ONECUT3: variants seen among roughly 807,000 people sequenced by gnomAD.
The protein encoded by ONECUT3 is one cut homeobox 3, also known as one cut domain family member 3.
Under a neutral mutation model 16.8 loss-of-function variants are expected in ONECUT3, and 11 were observed. That is an observed-to-expected ratio of 0.66 (90% CI 0.41 to 1.09). ONECUT3 has a LOEUF of 1.09. Ranked by LOEUF, ONECUT3 falls within the 50% of genes least tolerant of loss-of-function variation. The pLI is 0.00. For synonymous variants in ONECUT3, 344 were observed against 310.7 expected, an observed-to-expected ratio of 1.11 and a Z score of -1.13; for missense variants, 637 against 629.9, an observed-to-expected ratio of 1.01 and a Z score of -0.12.
In ONECUT3 at chr19:1,772,310, G is replaced by T. The variant is rs1454490278; in HGVS notation, c.1193-2843G>T. Among the ~76,000 whole-genome samples the T allele has an allele frequency of 2.6e-5, 4 of 152,100 alleles. No individual in the cohort carries two copies. In the East Asian group the frequency reaches 7.7e-4, roughly 29 times the overall value. ...TTACAAGAATGAGCCACCATGCCCAGTGGGCCTATTTATATTTAAAAATTA... is the reference window on the plus strand; with the variant it reads ...TTACAAGAATGAGCCACCATGCCCATTGGGCCTATTTATATTTAAAAATTA... On this transcript the variant is annotated intron_variant, in intron 1 of 1. Transcript: ENST00000382349.
At position 1,777,316 on chromosome 19, in the gene ONECUT3, G is replaced by A. The variant is rs186105164; in HGVS notation, c.*1871G>A. ...GCAGACACACACATGCAGACAACAC[G>A]CAGACACACACATGCAGGCACTCAC... On this transcript the variant is annotated 3_prime_UTR_variant, in exon 2 of 2. Coordinates refer to ENST00000382349, the MANE Select transcript of ONECUT3 (RefSeq NM_001080488.2). The A allele has an allele frequency of 3.9e-3, 581 of 150,190 alleles. 2 individuals are homozygous for A. Among genetic ancestry groups the A allele is most frequent in the Non-Finnish European group, 6.0e-3 (399 of 66,946 alleles). 9.3% of individuals were successfully genotyped at this position (150,190 alleles called of 1,614,324 possible). A position where few individuals can be genotyped will look rare whatever the true frequency, so the allele number is the denominator to read the frequency against.
At chr19:1,757,854 G>T (rs1024816622) in intron 1 of ONECUT3, among the ~76,000 whole-genome samples, 4 of 152,160 alleles carry the variant, frequency 2.6e-5, no homozygotes, top group Admixed American at 2.6e-4. Context: ...CTGGTGCTCG[G>T]AAAGGGAACT....
rs1403051429 is a variant in ONECUT3, at chr19:1,779,684, C to CG, written c.*4245dup. On this transcript the variant is annotated 3_prime_UTR_variant, in exon 2 of 2. Transcript: ENST00000382349. ...GTAATAAAGTGGTCAGGGTGGGGGG[C>CG]GGGGGGCGTGGCCCGGTTCCGTGTC... The CG allele has an allele frequency of 2.2e-5, 2 of 90,842 alleles. No homozygotes were observed. The highest frequency in any genetic ancestry group is 4.4e-5 in the African/African-American group (1 of 22,654). 5.6% of individuals were successfully genotyped at this position (90,842 alleles called of 1,614,324 possible).
At position 1,778,105 on chromosome 19, in the gene ONECUT3, A is replaced by C. The variant is rs2068127433; in HGVS notation, c.*2660A>C. 6.6e-6 allele frequency: 1 copy of C among 151,708 alleles called. No homozygotes were observed. Among genetic ancestry groups the C allele is most frequent in the African/African-American group, 2.4e-5 (1 of 41,244 alleles). 9.4% of individuals were successfully genotyped at this position (151,708 alleles called of 1,614,324 possible). A position where few individuals can be genotyped will look rare whatever the true frequency, so the allele number is the denominator to read the frequency against. ...TAGCCTATAGATATACAATGTTTTA[A>C]ATTTCTTTTTTAGAAACAGGGTTTT... On this transcript the variant is annotated 3_prime_UTR_variant, in exon 2 of 2. Coordinates refer to ENST00000382349, the MANE Select transcript of ONECUT3 (RefSeq NM_001080488.2).
rs1413138382 is a variant in ONECUT3 at position 1,766,514 on chromosome 19, T to G, written c.1193-8639T>G. Among the ~76,000 whole-genome samples the G allele has an allele frequency of 2.2e-3, 214 of 95,224 alleles. No homozygotes were observed. The highest frequency in any genetic ancestry group is 8.1e-3 in the Middle Eastern group (1 of 124). The allele number at this position is 95,224 out of a possible 152,430, so 62.5% of individuals were successfully genotyped here. ...AAGGAAGGGGAAGAGGGGAGGGAGG[T>G]AAAGAGAGGGAGGGAAGGAAAGGGA... On this transcript the variant is annotated intron_variant, in intron 1 of 1. Transcript: ENST00000382349. This position sits in a 1 kb window ranked among gnomAD's most constrained non-coding sequence, Gnocchi z 4.0.
At position 1,775,128 on chromosome 19, in the gene ONECUT3, CCGCCCGCCCGCCGCT is replaced by C. The variant is rs1221379826; in HGVS notation, c.1193-17_1193-3del. The C allele has an allele frequency of 7.4e-6, 7 of 941,434 alleles. No homozygotes were observed. The highest frequency in any genetic ancestry group is 1.7e-5 in the South Asian group (1 of 57,472). 58.3% of individuals were successfully genotyped at this position (941,434 alleles called of 1,614,324 possible). A position where few individuals can be genotyped will look rare whatever the true frequency, so the allele number is the denominator to read the frequency against. ...CACGGTGGCGCTGTGTCCCGCTCGC[CCGCCCGCCCGCCGCT>C]CGCCCGCAGCCTGCAAGCGCAAGGA... On this transcript the variant is annotated splice_polypyrimidine_tract_variant and intron_variant, in intron 1 of 1. Coordinates refer to ENST00000382349, the MANE Select transcript of ONECUT3 (RefSeq NM_001080488.2).
In ONECUT3 at chr19:1,761,242, C is replaced by T. The variant is rs577884809; in HGVS notation, c.1192+6388C>T. 7.2e-5 allele frequency among the ~76,000 whole-genome samples: 11 copies of T among 151,992 alleles called. No individual in the cohort carries two copies. In the East Asian group the frequency reaches 1.2e-3, roughly 16 times the overall value. ...TAATTTTTGTGTTTTTAGTAGAGAC[C>T]GGGTTTCACCACGTTGACCAGGCTG... On this transcript the variant is annotated intron_variant, in intron 1 of 1. Transcript: ENST00000382349.
At chr19:1,765,555 A>G (rs573888216) in intron 1 of ONECUT3, among the ~76,000 whole-genome samples, 1 of 152,172 alleles carries the variant, frequency 6.6e-6, no homozygotes, top group African/African-American at 2.4e-5. Flanking sequence ...TGTGACTGTG[A>G]GTGGAGGCCA....
intron 1 of ONECUT3, 27 bp from the exon 2 acceptor site, chr19:1,775,126 G>GCCCCC: frequency 1.0e-5 from 12 of 1,143,894 alleles, no homozygotes; most frequent in South Asian, 5.0e-5. Context: ...TGTCCCGCTC[G>GCCCCC]CCCGCCCGCC....
chr19:1,767,875 CTCT>C (rs1310179941), intron 1 of ONECUT3, among the ~76,000 whole-genome samples: 3 of 152,178 alleles, frequency 2.0e-5, no homozygotes, highest in African/African-American at 7.2e-5. Context: ...GGGTCTCCGT[CTCT>C]TCTAGTTGAT....
At position 1,754,546 on chromosome 19, in the gene ONECUT3, C is replaced by G. The variant is rs948213890; in HGVS notation, c.884C>G (p.Ala295Gly). ...CTGGGCGGGCTGGCGGCGGCCGGGGCGCACGGGCCGCACGGGGGAGGCGGC... is the reference window on the plus strand; with the variant it reads ...CTGGGCGGGCTGGCGGCGGCCGGGGGGCACGGGCCGCACGGGGGAGGCGGC... ...APLGGLAAAG[A>G]HGPHGGGGGP... The change falls in exon 1 of 2, where the codon GCG becomes GGG. Residue 295 changes from alanine to glycine, a missense_variant. By Grantham distance (60) the Ala-to-Gly change is moderately conservative. This residue lies in a region of ONECUT3 where 419 missense variants were observed against 377.9 expected (regional missense o/e 1.11). Coordinates refer to ENST00000382349, the MANE Select transcript of ONECUT3 (RefSeq NM_001080488.2). This position sits in a 1 kb window ranked among gnomAD's most constrained non-coding sequence, Gnocchi z 7.4. The G allele has an allele frequency of 1.0e-6, 1 of 983,428 alleles. No individual in the cohort carries two copies. Among genetic ancestry groups the G allele is most frequent in the Admixed American group, 6.3e-5 (1 of 15,794 alleles). 60.9% of individuals were successfully genotyped at this position (983,428 alleles called of 1,614,324 possible).
In ONECUT3 at chr19:1,766,325, C is replaced by T. The variant is rs191470416; in HGVS notation, c.1193-8828C>T. 3.3e-5 allele frequency among the ~76,000 whole-genome samples: 5 copies of T among 152,286 alleles called. No homozygotes were observed. Among genetic ancestry groups the T allele is most frequent in the East Asian group, 3.9e-4 (2 of 5,162 alleles). On this transcript the variant is annotated intron_variant, in intron 1 of 1. Transcript: ENST00000382349. The surrounding 1 kb of genome is among the most constrained non-coding windows in gnomAD (Gnocchi z 4.0). ...GCCCGCACGCGGCCAACGTCAGGCGCGCGCAGAGGCACCCACGGGCCCGCC... is the reference window on the plus strand; with the variant it reads ...GCCCGCACGCGGCCAACGTCAGGCGTGCGCAGAGGCACCCACGGGCCCGCC...
Position 1,764,601 on chromosome 19 carries a change from T to C in ONECUT3, c.1192+9747T>C, listed in dbSNP as rs1322207766. 1.3e-5 allele frequency among the ~76,000 whole-genome samples: 2 copies of C among 150,642 alleles called. No homozygotes were observed. The highest frequency in any genetic ancestry group is 3.0e-5 in the Non-Finnish European group (2 of 67,702). On this transcript the variant is annotated intron_variant, in intron 1 of 1. Transcript: ENST00000382349. The surrounding 1 kb of genome is among the most constrained non-coding windows in gnomAD (Gnocchi z 5.0). ...GAGGGGCTGGGGAGGCCTCTGGGGG[T>C]CCACGCCTGGGGCATGACTCAGCCC...
At position 1,775,681 on chromosome 19, in the gene ONECUT3, A is replaced by AC. The variant is rs148513158; in HGVS notation, c.*245dup. ...CCCTCCAGGCCAAAGGAAGCCCTCCACCCCCCCCCGGAGGGGAGGGAGTGA... is the reference window on the plus strand; with the variant it reads ...CCCTCCAGGCCAAAGGAAGCCCTCCACCCCCCCCCCGGAGGGGAGGGAGTGA... On this transcript the variant is annotated 3_prime_UTR_variant, in exon 2 of 2. Coordinates refer to ENST00000382349, the MANE Select transcript of ONECUT3 (RefSeq NM_001080488.2). The AC allele has an allele frequency of 0.035, 9,527 of 268,658 alleles. 526 individuals are homozygous for AC. Among genetic ancestry groups the AC allele is most frequent in the African/African-American group, 0.19 (7,090 of 37,232 alleles). 16.6% of individuals were successfully genotyped at this position (268,658 alleles called of 1,614,324 possible).
At chr19:1,763,789 C>T (rs1232979575) in intron 1 of ONECUT3, among the ~76,000 whole-genome samples, 4 of 151,456 alleles carry the variant, frequency 2.6e-5, no homozygotes, top group East Asian at 1.9e-4. Flanking sequence ...ATTCTTCCCC[C>T]CGGCTCAGAT....
rs1169827569 is a variant in ONECUT3, at chr19:1,762,172, C to T, written c.1192+7318C>T. ...CATCTCCCCCTGGACGCAGTGGCTG[C>T]GCCATCTGGAGACCCTCGTGCTGGC... On this transcript the variant is annotated intron_variant, in intron 1 of 1. Coordinates refer to ENST00000382349, the MANE Select transcript of ONECUT3 (RefSeq NM_001080488.2). The surrounding 1 kb of genome is among the most constrained non-coding windows in gnomAD (Gnocchi z 4.4). Among the ~76,000 whole-genome samples the T allele has an allele frequency of 1.3e-5, 2 of 152,222 alleles. No homozygotes were observed. The highest frequency in any genetic ancestry group is 1.3e-4 in the Admixed American group (2 of 15,286).
chr19:1,775,334 C>T lies in ONECUT3; in HGVS notation c.1374C>T (p.Val458=). 1.3e-6 allele frequency: 2 copies of T among 1,593,878 alleles called. No homozygotes were observed. The highest frequency in any genetic ancestry group is 1.7e-4 in the Middle Eastern group (1 of 5,716). The change falls in exon 2 of 2, where the codon GTC becomes GTT. Residue 458 remains valine, a synonymous_variant. Transcript: ENST00000382349. Reference sequence around the variant, plus strand: ...AGCTCGGCTTGGAGCTCAACACCGTCAGCAACTTCTTCATGAACGCGCGGC... The same window carrying T: ...AGCTCGGCTTGGAGCTCAACACCGTTAGCAACTTCTTCATGAACGCGCGGC... ...SQQLGLELNT[V]SNFFMNARRR... is the part of the protein sequence containing the mutation.
chr19:1,775,519 G>A lies in ONECUT3; in HGVS notation c.*74G>A. The stretch of plus-strand genomic sequence containing the variant: ...CCCCCACGTCACCTCCCCACATCCT[G>A]CCGGCCCGGAGACCCGCCCCCAGGG... On this transcript the variant is annotated 3_prime_UTR_variant, in exon 2 of 2. Transcript: ENST00000382349. 1 of 1,384,428 alleles carries A rather than the reference G, an allele frequency of 7.2e-7. No individual in the cohort carries two copies. The allele number at this position is 1,384,428 out of a possible 1,614,324, so 85.8% of individuals were successfully genotyped here. A position where few individuals can be genotyped will look rare whatever the true frequency, so the allele number is the denominator to read the frequency against.
chr19:1,770,784 C>T (rs1373435451), intron 1 of ONECUT3, among the ~76,000 whole-genome samples: 1 of 152,160 alleles, frequency 6.6e-6, no homozygotes, highest in Non-Finnish European at 1.5e-5. Flanking sequence ...TTTGCATTTC[C>T]TTCCATGTTT....
Sources: allele counts gnomAD v4.1 joint callset (sites outside exome capture counted in the v4.1 genomes callset), GRCh38; gene constraint gnomAD v4.1.1; regional missense constraint gnomAD v4.1.1; non-coding constraint Gnocchi (gnomAD v3.1); transcripts MANE v1.5; gene names NCBI Gene and HGNC (gene_info 2026-07-23, HGNC 2026-07-21).